Variants in GLMP observed in about 807,000 individuals in gnomAD.
GLMP encodes glycosylated lysosomal membrane protein.
A neutral mutation model predicts 39.2 loss-of-function variants in GLMP; 36 were observed. The observed-to-expected ratio is 0.92, with a 90% CI of 0.70 to 1.21. The LOEUF is 1.21. Among genes scored for constraint, GLMP ranks in the 50% most tolerant of loss-of-function variants. The pLI is 0.00. For synonymous variants in GLMP, 220 were observed against 218.9 expected (o/e 1.01, Z -0.04); for missense variants, 454 against 505.6 (o/e 0.90, Z 0.98).
chr1:156,293,346 G>A lies in GLMP; in HGVS notation c.1029C>T (p.Gly343=). ...NLTFGASTGP[G]YWDQHYLSWS... ...AGCTGAGGTAGTGTTGGTCCCAATA[G>A]CCAGGGCCTGTGGAAGCCCCGAACG... Residue 343 remains glycine (G), a synonymous_variant, in exon 5 of 6, where the codon GGC becomes GGT. Coordinates refer to ENST00000362007, the MANE Select transcript of GLMP (RefSeq NM_144580.3). 2 of 1,614,168 alleles carry A rather than the reference G, an allele frequency of 1.2e-6. No homozygotes were observed. Among genetic ancestry groups the A allele is most frequent in the Non-Finnish European group, 1.7e-6 (2 of 1,180,042 alleles).
chr1:156,295,296 C>A lies in GLMP; in HGVS notation c.120+230G>T, dbSNP rs910281438. ...CGAAGAAGAAAACATTCAACACTTGCCTGGACCTGGGTCACCCAGGGCTGA... is the reference window on the plus strand; with the variant it reads ...CGAAGAAGAAAACATTCAACACTTGACTGGACCTGGGTCACCCAGGGCTGA... On this transcript the variant is annotated intron_variant, in intron 1 of 5. Coordinates refer to ENST00000362007, the MANE Select transcript of GLMP (RefSeq NM_144580.3). 4.5e-6 allele frequency: 6 copies of A among 1,347,254 alleles called. No homozygotes were observed. In the African/African-American group the frequency reaches 9.0e-5, roughly 20 times the overall value. 83.5% of individuals were successfully genotyped at this position (1,347,254 alleles called of 1,614,324 possible). A position where few individuals can be genotyped will look rare whatever the true frequency, so the allele number is the denominator to read the frequency against.
intron 2 of GLMP, 32 bp downstream of exon 2, chr1:156,294,727 T>A (rs1663532844): frequency 1.3e-6 from 2 of 1,547,538 alleles, no homozygotes; most frequent in South Asian, 2.5e-5. Flanking sequence ...TCCTCTGCAC[T>A]CTTCTCCTTG....
intron 4 of GLMP, 116 bp from the exon 5 acceptor site, chr1:156,293,692 C>T (rs1459938910): frequency 6.4e-7 from 1 of 1,558,984 alleles, no homozygotes; most frequent in South Asian, 1.2e-5. Context: ...GAGTCCTAGG[C>T]AGGGCCTCAA....
rs777217217 is a variant in GLMP at position 156,293,416 on chromosome 1, C to T, written c.959G>A (p.Arg320Gln). 1.2e-5 allele frequency: 20 copies of T among 1,614,024 alleles called. No homozygotes were observed. In the Admixed American group the frequency reaches 1.7e-4, roughly 13 times the overall value. The part of the protein sequence containing the change: ...AYSLPQSPIV[R>Q]AFFGSQNNFC... ...GTTATTCTGGGACCCAAAGAAGGCTCGGACAATGGGTGACTGGGGAAGAGA... is the reference window on the plus strand; with the variant it reads ...GTTATTCTGGGACCCAAAGAAGGCTTGGACAATGGGTGACTGGGGAAGAGA... The change falls in exon 5 of 6, where the codon CGA becomes CAA. Residue 320 changes from arginine (R) to glutamine (Q), a missense_variant. Physicochemically the swap from Arg to Gln is conservative, Grantham distance 43. Transcript: ENST00000362007.
At chr1:156,294,268 A>C (rs1210043208) in intron 3 of GLMP, 32 bp from the exon 4 acceptor site, 1 of 1,608,248 alleles carries the variant, frequency 6.2e-7, no homozygotes, top group South Asian at 1.1e-5. Context: ...AGGTGTGGGA[A>C]ATAGCTGGAT....
rs1572617217 is a variant in GLMP, at chr1:156,295,679, G to A, written c.-34C>T. The A allele has an allele frequency of 6.6e-7, 1 of 1,518,000 alleles. No individual in the cohort carries two copies. Among genetic ancestry groups the A allele is most frequent in the Non-Finnish European group, 8.9e-7 (1 of 1,117,324 alleles). The allele number at this position is 1,518,000 out of a possible 1,614,324, so 94.0% of individuals were successfully genotyped here. ...AATTCAGCCGACGGAAGAGGTGCCA[G>A]AGGGTCACATGACTCGCGTTCAGCT... On this transcript the variant is annotated 5_prime_UTR_variant, in exon 1 of 6. Transcript: ENST00000362007.
At position 156,294,774 on chromosome 1, in the gene GLMP, G is replaced by A; in HGVS notation, c.363C>T (p.Ala121=). The A allele has an allele frequency of 5.1e-6, 8 of 1,553,536 alleles. No homozygotes were observed. Among genetic ancestry groups the A allele is most frequent in the Non-Finnish European group, 7.0e-6 (8 of 1,148,546 alleles). ...ACCTCCTCACCCTGGTAAAAACAAG[G>A]GCAGAAGAAAACTGAATGCTGTCCT... ...LPKDSIQFSS[A]LVFTRLLEFD... The change falls in exon 2 of 6, where the codon GCC becomes GCT. Residue 121 remains alanine, a synonymous_variant. Transcript: ENST00000362007.
At position 156,293,403 on chromosome 1, in the gene GLMP, C is replaced by T; in HGVS notation, c.972G>A (p.Gly324=). Residue 324 remains glycine (G), a synonymous_variant, in exon 5 of 6, where the codon GGG becomes GGA. Coordinates refer to ENST00000362007, the MANE Select transcript of GLMP (RefSeq NM_144580.3). ...TGAAGGCACAGAAGTTATTCTGGGA[C>T]CCAAAGAAGGCTCGGACAATGGGTG... is the stretch of plus-strand genomic sequence containing the variant. ...PQSPIVRAFF[G]SQNNFCAFNL... 6.2e-7 allele frequency: 1 copy of T among 1,614,096 alleles called. No individual in the cohort carries two copies. Among genetic ancestry groups the T allele is most frequent in the Non-Finnish European group, 8.5e-7 (1 of 1,180,026 alleles).
In GLMP at chr1:156,294,455, T is replaced by G. The variant is rs1558256289; in HGVS notation, c.489A>C (p.Ser163=). 2 of 1,614,110 alleles carry G rather than the reference T, an allele frequency of 1.2e-6. No homozygotes were observed. The highest frequency in any genetic ancestry group is 3.3e-5 in the Admixed American group (2 of 60,008). Residue 163 remains serine, a synonymous_variant, in exon 3 of 6, where the codon TCA becomes TCC. Transcript: ENST00000362007. ...TGGCACTCAGGGTGGCAGGATCCAA[T>G]GAATCAGTGATGTTGTTCCAAGAGA... is the stretch of plus-strand genomic sequence containing the variant. ...ADFSWNNITD[S]LDPATLSATF...
intron 1 of GLMP, 189 bp from the exon 2 acceptor site, chr1:156,295,205 G>T (rs960878540): frequency 9.4e-7 from 1 of 1,065,854 alleles, no homozygotes; most frequent in African/African-American, 1.6e-5. Context: ...AGGATGAAAA[G>T]GGGTAGGGTA....
intron 1 of GLMP, 55 bp from the exon 2 acceptor site, chr1:156,295,071 CA>C: frequency 7.5e-7 from 1 of 1,336,160 alleles, no homozygotes; most frequent in Non-Finnish European, 1.0e-6. Context: ...GAGACACAGG[CA>C]AAAGAGAAGC....
At chr1:156,293,624 C>T (rs1663457683) in intron 4 of GLMP, 48 bp from the exon 5 acceptor site, 1 of 1,610,066 alleles carries the variant, frequency 6.2e-7, no homozygotes, top group Non-Finnish European at 8.5e-7. Context: ...CAACCTGTGC[C>T]CGACCCTCTT....
Position 156,294,371 on chromosome 1 carries a change from G to A in GLMP, c.573C>T (p.Ala191=). ...PTRTFANGSL[A]FRVQAFSRSS... is the part of the protein sequence containing the mutation. ...CCGATTTCTCACGCCTTACCCTGAA[G>A]GCCAGGCTGCCATTGGCAAAAGTCC... Residue 191 remains alanine, a synonymous_variant, in exon 3 of 6, where the codon GCC becomes GCT. Coordinates refer to ENST00000362007, the MANE Select transcript of GLMP (RefSeq NM_144580.3). 1 of 1,614,180 alleles carries A rather than the reference G, an allele frequency of 6.2e-7. No homozygotes were observed. Among genetic ancestry groups the A allele is most frequent in the South Asian group, 1.1e-5 (1 of 91,088 alleles).
chr1:156,295,456 C>A, intron 1 of GLMP, 70 bp downstream of exon 1: 5 of 1,428,154 alleles, frequency 3.5e-6, no homozygotes, highest in Non-Finnish European at 4.6e-6. Context: ...CCCCTGGATG[C>A]CCGGTTCCAG....
At position 156,294,968 on chromosome 1, in the gene GLMP, G is replaced by A; in HGVS notation, c.169C>T (p.Leu57Phe). ...PNWLGPLQNLLHIRAVGTNST... is the reference protein window; with the variant it reads ...PNWLGPLQNLFHIRAVGTNST... ...TTGGTGCCCACTGCCCGTATATGAA[G>A]CAGGTTCTGCAGGGGGCCCAGCCAG... Residue 57 changes from leucine to phenylalanine, a missense_variant, in exon 2 of 6, where the codon CTT becomes TTT. Transcript: ENST00000362007. The A allele has an allele frequency of 1.1e-5, 17 of 1,594,278 alleles. No homozygotes were observed. Among genetic ancestry groups the A allele is most frequent in the Non-Finnish European group, 1.5e-5 (17 of 1,166,168 alleles).
In GLMP at chr1:156,294,572, G is replaced by A. The variant is rs1443072070; in HGVS notation, c.379-7C>T. On this transcript the variant is annotated splice_region_variant and splice_polypyrimidine_tract_variant and intron_variant, in intron 2 of 5. Coordinates refer to ENST00000362007, the MANE Select transcript of GLMP (RefSeq NM_144580.3). ...TGCTGTCAAACTCAAGCAGCTGGAGGGTGGGGGTAGGGTGGAACTGGGCTT... is the reference window on the plus strand; with the variant it reads ...TGCTGTCAAACTCAAGCAGCTGGAGAGTGGGGGTAGGGTGGAACTGGGCTT... 2 of 1,613,782 alleles carry A rather than the reference G, an allele frequency of 1.2e-6. No individual in the cohort carries two copies. The highest frequency in any genetic ancestry group is 2.7e-5 in the African/African-American group (2 of 74,844).
In GLMP at chr1:156,292,957, C is replaced by T. The variant is rs1663403404; in HGVS notation, c.*87G>A. 6.7e-7 allele frequency: 1 copy of T among 1,500,528 alleles called. No homozygotes were observed. Among genetic ancestry groups the T allele is most frequent in the Non-Finnish European group, 9.0e-7 (1 of 1,112,276 alleles). The allele number at this position is 1,500,528 out of a possible 1,614,324, so 93.0% of individuals were successfully genotyped here. ...AAAGCAAGATGGGGGAGTGAAGGGG[C>T]CGGCTGGAACTTGATGCTCCAACCT... On this transcript the variant is annotated 3_prime_UTR_variant, in exon 6 of 6. Transcript: ENST00000362007.
rs764597238 is a variant in GLMP at position 156,293,587 on chromosome 1, A to C, written c.799-11T>G. 3 of 1,614,034 alleles carry C rather than the reference A, an allele frequency of 1.9e-6. No individual in the cohort carries two copies. The highest frequency in any genetic ancestry group is 1.7e-6 in the Non-Finnish European group (2 of 1,179,920). On this transcript the variant is annotated splice_polypyrimidine_tract_variant and intron_variant, in intron 4 of 5. Coordinates refer to ENST00000362007, the MANE Select transcript of GLMP (RefSeq NM_144580.3). ...CAGTAGCTGGTCCAACTGGGAAGAA[A>C]GGCAAACAAGGGAGGGTAAAGAGGA...
Position 156,294,004 on chromosome 1 carries a change from C to T in GLMP, c.798+14G>A. 1.9e-6 allele frequency: 3 copies of T among 1,612,340 alleles called. No individual in the cohort carries two copies. Among genetic ancestry groups the T allele is most frequent in the Non-Finnish European group, 2.5e-6 (3 of 1,179,570 alleles). On this transcript the variant is annotated intron_variant, in intron 4 of 5. Coordinates refer to ENST00000362007, the MANE Select transcript of GLMP (RefSeq NM_144580.3). ...ACATTCCTCACCCATCTGCCTCTCT[C>T]CAGGAAGCCTGACCTGGAAGACGGC...
Sources: allele counts gnomAD v4.1 joint callset, GRCh38; gene constraint gnomAD v4.1.1; transcripts MANE v1.5; gene names NCBI Gene and HGNC (gene_info 2026-07-23, HGNC 2026-07-21).